Variants in OTOGL observed in about 807,000 individuals in gnomAD.
OTOGL encodes the protein otogelin-like protein.
Under a neutral mutation model 318.5 loss-of-function variants are expected in OTOGL, and 285 were observed. The observed-to-expected ratio is 0.89, with a 90% CI of 0.81 to 0.99. The LOEUF is 0.99. OTOGL is among the 50% of genes least tolerant of loss of function. The pLI, the probability that OTOGL is intolerant of heterozygous loss-of-function variation, is 0.00. For missense variants in OTOGL, 2,899 were observed against 2,845.6 expected, an observed-to-expected ratio of 1.02 and a Z score of -0.43; for synonymous variants, 987 against 936.5, an observed-to-expected ratio of 1.05 and a Z score of -0.99.
chr12:80,160,953 C>A (rs1873471008), intron 1 of OTOGL, among the ~76,000 whole-genome samples: 1 of 152,054 alleles, frequency 6.6e-6, no homozygotes, highest in East Asian at 1.9e-4. Flanking sequence ...GAACTGGAGG[C>A]TATTATTCTA....
intron 28 of OTOGL, among the ~76,000 whole-genome samples, chr12:80,303,197 C>G (rs959362611): frequency 6.6e-6 from 1 of 152,084 alleles, no homozygotes; most frequent in African/African-American, 2.4e-5. Flanking sequence ...GCTCTGTCGC[C>G]CAGGCTGGAG....
chr12:80,366,511 T>TATA (rs1555304842), intron 52 of OTOGL, 63 bp from the exon 53 acceptor site: 7,434 of 176,278 alleles, frequency 0.042, 325 homozygotes, highest in African/African-American at 0.11. Context: ...TATATATAGG[T>TATA]TATATATATA....
chr12:80,152,563 T>C (rs932195711), intron 1 of OTOGL, among the ~76,000 whole-genome samples: 4 of 152,166 alleles, frequency 2.6e-5, no homozygotes, highest in Admixed American at 2.0e-4. Flanking sequence ...AGTAAAACAG[T>C]CTATGGATGT....
At position 80,318,558 on chromosome 12, in the gene OTOGL, G is replaced by T; in HGVS notation, c.3647G>T (p.Gly1216Val). 7.4e-7 allele frequency: 1 copy of T among 1,342,410 alleles called. No homozygotes were observed. The highest frequency in any genetic ancestry group is 2.2e-5 in the South Asian group (1 of 44,838). 83.2% of individuals were successfully genotyped at this position (1,342,410 alleles called of 1,614,324 possible). The change falls in exon 33 of 59, where the codon GGA (glycine) becomes GTA (valine). Residue 1216 changes from glycine (G) to valine (V), a missense_variant. By Grantham distance (109) the Gly-to-Val change is moderately radical. Transcript: ENST00000547103. ...TATATTTAACTAGGACTTGGAGAAG[G>T]ACCATATATGCTGGCAAGCTATGGG... The part of the protein sequence containing the change: ...CEYYNEGLGE[G>V]PYMLASYGQS...
At chr12:80,352,962 T>C (rs1332318193) in intron 45 of OTOGL, among the ~76,000 whole-genome samples, 1 of 152,178 alleles carries the variant, frequency 6.6e-6, no homozygotes, top group Admixed American at 6.5e-5. Context: ...ACTGAAAGTG[T>C]ATTTTGGTTA....
At chr12:80,365,590 T>G (rs1172732291) in intron 52 of OTOGL, among the ~76,000 whole-genome samples, 1 of 152,132 alleles carries the variant, frequency 6.6e-6, no homozygotes, top group Non-Finnish European at 1.5e-5. Context: ...AGTCATGCAC[T>G]GGAAGAATTC....
rs191196907 is a variant in OTOGL, at chr12:80,340,708, C to T, written c.5051-1240C>T. 2.7e-3 allele frequency among the ~76,000 whole-genome samples: 408 copies of T among 152,224 alleles called. 4 individuals are homozygous for T. Among genetic ancestry groups the T allele is most frequent in the African/African-American group, 9.4e-3 (391 of 41,552 alleles). ...GGAAATCTGGGTACTGTCAGGATCA[C>T]TAGACTAGGTGCTGGCTGAAAAGCT... On this transcript the variant is annotated intron_variant, in intron 43 of 58. Coordinates refer to ENST00000547103, the MANE Select transcript of OTOGL (RefSeq NM_001378609.3).
At position 80,353,425 on chromosome 12, in the gene OTOGL, G is replaced by T. The variant is rs1313499379; in HGVS notation, c.5508G>T (p.Leu1836Phe). 5 of 1,603,730 alleles carry T rather than the reference G, an allele frequency of 3.1e-6. No homozygotes were observed. In the South Asian group the frequency reaches 5.6e-5, roughly 18 times the overall value. The change falls in exon 46 of 59, where the codon TTG (leucine) becomes TTT (phenylalanine). Residue 1836 changes from leucine to phenylalanine, a missense_variant. Leu to Phe is a conservative substitution (Grantham distance 22). Transcript: ENST00000547103. ...GGTTCTATGGACACACTTCCTGTTT[G>T]AATCTAAGAGAAGACTGTGTGTGCA... is the stretch of plus-strand genomic sequence containing the variant. ...NQWFYGHTSC[L>F]NLREDCVCKV...
chr12:80,376,812 C>T (rs1416673239), intron 57 of OTOGL, among the ~76,000 whole-genome samples: 1 of 151,992 alleles, frequency 6.6e-6, no homozygotes, highest in African/African-American at 2.4e-5. Context: ...ATGCCACACA[C>T]AGGTTGATGT....
Position 80,239,349 on chromosome 12 carries a change from G to A in OTOGL, c.962G>A (p.Cys321Tyr), listed in dbSNP as rs1311229266. 1.9e-6 allele frequency: 3 copies of A among 1,608,040 alleles called. No homozygotes were observed. The highest frequency in any genetic ancestry group is 2.5e-6 in the Non-Finnish European group (3 of 1,176,686). ...MPAFEAIFFK[C>Y]QILLQFPFLS... ...TTTGCACAGGCAATCTTCTTCAAGT[G>A]TCAGATACTGTTGCAGTTTCCTTTT... Residue 321 changes from cysteine (C) to tyrosine (Y), a missense_variant, in exon 11 of 59, where the codon TGT becomes TAT. Cys to Tyr is a radical substitution (Grantham distance 194). Around this residue, in one of 3 missense-constraint regions of OTOGL, gnomAD observed 2,607 missense variants for 2,524.9 expected, o/e 1.03. Coordinates refer to ENST00000547103, the MANE Select transcript of OTOGL (RefSeq NM_001378609.3).
At chr12:80,215,116 A>G (rs17006509) in intron 4 of OTOGL, among the ~76,000 whole-genome samples, 2,351 of 151,650 alleles carry the variant, frequency 0.016, 69 homozygotes, top group African/African-American at 0.054. Context: ...GTGTTATCCA[A>G]TGTTTTCAGT....
intron 1 of OTOGL, among the ~76,000 whole-genome samples, chr12:80,144,330 T>C (rs1343775224): frequency 1.3e-5 from 2 of 151,594 alleles, no homozygotes; most frequent in African/African-American, 2.4e-5. Context: ...CTTGCGATAG[T>C]TTACTGAGAA....
chr12:80,102,910 T>C, intron 1 of OTOGL: 1 of 820,178 alleles, frequency 1.2e-6, no homozygotes, highest in Non-Finnish European at 2.1e-6. Flanking sequence ...TCCTCCATCT[T>C]CTCAATTGTT....
intron 1 of OTOGL, among the ~76,000 whole-genome samples, chr12:80,199,334 C>A (rs1393588563): frequency 1.3e-5 from 2 of 152,222 alleles, no homozygotes; most frequent in Non-Finnish European, 2.9e-5. Flanking sequence ...CAGTTTAAAA[C>A]CCTTTCCTAG....
intron 58 of OTOGL, among the ~76,000 whole-genome samples, chr12:80,377,424 AG>A (rs1178342389): frequency 6.6e-6 from 1 of 152,184 alleles, no homozygotes; most frequent in African/African-American, 2.4e-5. Context: ...CCAGAGGGAT[AG>A]AAATTGAATC....
At chr12:80,204,863 T>C (rs1876703012) in intron 1 of OTOGL, among the ~76,000 whole-genome samples, 1 of 152,120 alleles carries the variant, frequency 6.6e-6, no homozygotes, top group Non-Finnish European at 1.5e-5. Flanking sequence ...AACATGAAGC[T>C]TCCTGGAGCA....
At chr12:80,305,751 C>G in intron 29 of OTOGL, 56 bp downstream of exon 29, 1 of 1,296,826 alleles carries the variant, frequency 7.7e-7, no homozygotes, top group Non-Finnish European at 1.0e-6. Flanking sequence ...AATATTTTTT[C>G]ACTAGAACAT....
At chr12:80,218,230 C>T (rs1877928574) in intron 5 of OTOGL, among the ~76,000 whole-genome samples, 1 of 152,162 alleles carries the variant, frequency 6.6e-6, no homozygotes, top group Admixed American at 6.5e-5. Context: ...TACAGATGTG[C>T]ACCTAGTGGA....
At chr12:80,183,130 G>A (rs954405796) in intron 1 of OTOGL, among the ~76,000 whole-genome samples, 1 of 152,210 alleles carries the variant, frequency 6.6e-6, no homozygotes, top group Non-Finnish European at 1.5e-5. Flanking sequence ...ACAGTCAAGT[G>A]TAGGGACTGT....
Sources: allele counts gnomAD v4.1 joint callset (sites outside exome capture counted in the v4.1 genomes callset), GRCh38; gene constraint gnomAD v4.1.1; regional missense constraint gnomAD v4.1.1; transcripts MANE v1.5; gene names NCBI Gene and HGNC (gene_info 2026-07-23, HGNC 2026-07-21).